Variants in ZMYM4 observed in about 807,000 individuals in gnomAD.
ZMYM4 encodes zinc finger MYM-type containing 4, also known as zinc finger MYM-type protein 4.
ZMYM4 carries 31 observed loss-of-function variants against 183.2 expected under a neutral mutation model. That is an observed-to-expected ratio of 0.17 (90% CI 0.13 to 0.23). The LOEUF (loss-of-function observed/expected upper bound fraction) is 0.23. Among genes scored for constraint, ZMYM4 ranks in the 10% least tolerant of loss-of-function variants. ZMYM4 has a pLI of 1.00. For missense variants in ZMYM4, 1,273 were observed against 1,840.3 expected, an observed-to-expected ratio of 0.69 and a Z score of 5.64; for synonymous variants, 592 against 631.2, an observed-to-expected ratio of 0.94 and a Z score of 0.93.
intron 1 of ZMYM4, among the ~76,000 whole-genome samples, chr1:35,321,081 G>T (rs960262253): frequency 3.3e-5 from 5 of 152,186 alleles, no homozygotes; most frequent in African/African-American, 1.2e-4. Context: ...CCTGTTATCT[G>T]TCAGCAGGTT....
At chr1:35,348,816 C>T (rs1643491041) in intron 2 of ZMYM4, among the ~76,000 whole-genome samples, 1 of 152,102 alleles carries the variant, frequency 6.6e-6, no homozygotes. Flanking sequence ...CATTTTTTTA[C>T]ACTAGTGAAA....
At chr1:35,388,505 C>G (rs1467645776) in intron 13 of ZMYM4, among the ~76,000 whole-genome samples, 1 of 151,254 alleles carries the variant, frequency 6.6e-6, no homozygotes, top group Non-Finnish European at 1.5e-5. Context: ...ACGCCCAGCC[C>G]CAAAAGTTTC....
At chr1:35,365,130 AGAGTAGAG>A (rs1441027727) in intron 5 of ZMYM4, among the ~76,000 whole-genome samples, 7 of 152,146 alleles carry the variant, frequency 4.6e-5, no homozygotes, top group Non-Finnish European at 7.4e-5. Context: ...TAAGATGGCC[AGAGTAGAG>A]GATGTTAACA....
chr1:35,372,719 CTGAT>C (rs60442213), intron 7 of ZMYM4, among the ~76,000 whole-genome samples: 9,885 of 152,182 alleles, frequency 0.065, 920 homozygotes, highest in East Asian at 0.44. Flanking sequence ...TATCTACTAA[CTGAT>C]TGAGCATTTC....
chr1:35,301,545 C>CA (rs531815209), intron 1 of ZMYM4, among the ~76,000 whole-genome samples: 2,126 of 80,588 alleles, frequency 0.026, 40 homozygotes, highest in East Asian at 0.11. Context: ...GAGGGTGTCT[C>CA]AAAAAAAAAA....
chr1:35,410,030 C>T lies in ZMYM4; in HGVS notation c.3948+1871C>T, dbSNP rs1570548490. 3.9e-5 allele frequency among the ~76,000 whole-genome samples: 6 copies of T among 152,022 alleles called. No individual in the cohort carries two copies. The South Asian group carries it at 1.2e-3, about 32-fold the overall frequency. ...CTCCAGCATCTGCTTCTGGTGAGCG[C>T]TTCAGGAAGCTTCCAATCACGGCAT... On this transcript the variant is annotated intron_variant, in intron 26 of 29. Transcript: ENST00000314607.
At chr1:35,308,992 A>G in intron 1 of ZMYM4, 2 of 985,450 alleles carry the variant, frequency 2.0e-6, no homozygotes, top group Non-Finnish European at 2.4e-6. Context: ...AAAGAGGAAA[A>G]GTGGTGTGAA....
intron 2 of ZMYM4, among the ~76,000 whole-genome samples, chr1:35,326,857 A>G (rs566010952): frequency 1.3e-5 from 2 of 151,988 alleles, no homozygotes; most frequent in South Asian, 2.1e-4. Context: ...GCTTGGAGTC[A>G]TTTTTTTTCT....
chr1:35,278,632 A>T (rs75178699), intron 1 of ZMYM4, among the ~76,000 whole-genome samples: 9,654 of 152,026 alleles, frequency 0.064, 925 homozygotes, highest in East Asian at 0.44. Context: ...TCACTATGTT[A>T]GGATGGGCTC....
intron 2 of ZMYM4, among the ~76,000 whole-genome samples, chr1:35,352,269 GCACACACACACACACACA>G (rs56011152): frequency 5.5e-4 from 69 of 124,582 alleles, no homozygotes; most frequent in Middle Eastern, 3.6e-3. Flanking sequence ...ACGCGCGCGC[GCACACACACACACACACA>G]CACACACACA....
At chr1:35,299,420 A>T (rs185625678) in intron 1 of ZMYM4, among the ~76,000 whole-genome samples, 2 of 152,298 alleles carry the variant, frequency 1.3e-5, no homozygotes, top group East Asian at 3.9e-4. Flanking sequence ...TGGTTGGAGC[A>T]TAGGGGCTCA....
At chr1:35,378,960 C>G (rs993682321) in intron 7 of ZMYM4, among the ~76,000 whole-genome samples, 3 of 152,162 alleles carry the variant, frequency 2.0e-5, no homozygotes, top group Non-Finnish European at 2.9e-5. Context: ...GCTTCTTTAC[C>G]TGAGTCTTCC....
intron 1 of ZMYM4, among the ~76,000 whole-genome samples, chr1:35,311,616 T>G (rs150119615): frequency 2.0e-5 from 3 of 151,732 alleles, no homozygotes; most frequent in African/African-American, 7.2e-5. Flanking sequence ...AAAAAAAAAG[T>G]CACTTCAAGT....
rs1643940159 is a variant in ZMYM4, at chr1:35,361,743, A to T, written c.794A>T (p.Gln265Leu). 1.2e-6 allele frequency: 2 copies of T among 1,613,560 alleles called. No individual in the cohort carries two copies. Among genetic ancestry groups the T allele is most frequent in the Non-Finnish European group, 1.7e-6 (2 of 1,179,760 alleles). Residue 265 changes from glutamine to leucine, a missense_variant, in exon 5 of 30, where the codon CAG (glutamine) becomes CTG (leucine). By Grantham distance (113) the Gln-to-Leu change is moderately radical. Transcript: ENST00000314607. ...GAGTATGACAAAGCAATGGCACCAC[A>T]GCAGGGACTACTAGACAAAATAAAA... ...DDEYDKAMAP[Q>L]QGLLDKIKDE...
intron 7 of ZMYM4, 103 bp from the exon 8 acceptor site, chr1:35,381,156 C>T (rs1644449629): frequency 6.5e-6 from 6 of 923,816 alleles, no homozygotes; most frequent in Admixed American, 2.8e-5. Context: ...GTGTTATTTC[C>T]CTACAGTATA....
At chr1:35,275,578 G>A (rs1639831286) in intron 1 of ZMYM4, among the ~76,000 whole-genome samples, 1 of 152,142 alleles carries the variant, frequency 6.6e-6, no homozygotes, top group Non-Finnish European at 1.5e-5. Context: ...TAAAATTTCA[G>A]TTTCTATGGA....
intron 1 of ZMYM4, among the ~76,000 whole-genome samples, chr1:35,269,987 C>A (rs1639516190): frequency 6.6e-6 from 1 of 152,132 alleles, no homozygotes; most frequent in Non-Finnish European, 1.5e-5. Flanking sequence ...GATCAATTAG[C>A]AAAAGGGCAA....
chr1:35,398,534 A>G lies in ZMYM4; in HGVS notation c.3253+68A>G, dbSNP rs1644848395. On this transcript the variant is annotated intron_variant, in intron 21 of 29. Transcript: ENST00000314607. The stretch of plus-strand genomic sequence containing the variant: ...CTCTGTTAGAAACCTATAAAATATT[A>G]GTACCCTTGGATTTCATATTTGTAA... 4.4e-6 allele frequency: 6 copies of G among 1,366,390 alleles called. No individual in the cohort carries two copies. The South Asian group carries it at 7.6e-5, about 17-fold the overall frequency. The allele number at this position is 1,366,390 out of a possible 1,614,324, so 84.6% of individuals were successfully genotyped here. A position where few individuals can be genotyped will look rare whatever the true frequency, so the allele number is the denominator to read the frequency against.
In ZMYM4 at chr1:35,270,458, A is replaced by G. The variant is rs1639539249; in HGVS notation, c.39+1373A>G. ...TCATACACCCAACCGCCTAGATCCT[A>G]CTGTTAACATTGCATTCCGGACATG... On this transcript the variant is annotated intron_variant, in intron 1 of 29. Coordinates refer to ENST00000314607, the MANE Select transcript of ZMYM4 (RefSeq NM_005095.3). Among the ~76,000 whole-genome samples the G allele has an allele frequency of 2.6e-5, 4 of 152,176 alleles. No individual in the cohort carries two copies. In the South Asian group the frequency reaches 8.3e-4, roughly 32 times the overall value.
Sources: allele counts gnomAD v4.1 joint callset (sites outside exome capture counted in the v4.1 genomes callset), GRCh38; gene constraint gnomAD v4.1.1; transcripts MANE v1.5; gene names NCBI Gene and HGNC (gene_info 2026-07-23, HGNC 2026-07-21).